Variants in RIDA observed in about 807,000 individuals in gnomAD.
The protein encoded by RIDA is 2-iminobutanoate/2-iminopropanoate deaminase.
A neutral mutation model predicts 17.8 loss-of-function variants in RIDA; 17 were observed. The ratio of observed to expected loss-of-function variants is 0.96; its 90% CI spans 0.65 to 1.43. RIDA has a LOEUF of 1.43. Ranked by LOEUF, RIDA falls within the 40% of genes most tolerant of loss-of-function variation. The pLI is 0.00. For missense variants in RIDA, 158 were observed against 161.7 expected (o/e 0.98, Z 0.12); for synonymous variants, 48 against 55.7 (o/e 0.86, Z 0.62).
In RIDA at chr8:98,104,550, T is replaced by C. The variant is rs1267063045; in HGVS notation, c.296-6A>G. 1 of 1,538,000 alleles carries C rather than the reference T, an allele frequency of 6.5e-7. No homozygotes were observed. Among genetic ancestry groups the C allele is most frequent in the East Asian group, 2.2e-5 (1 of 44,518 alleles). ...AGGAAAATTACTCTTGAAATCTGAATTTAAAAGAATTTCATTTTTTTAATA... is the reference window on the plus strand; with the variant it reads ...AGGAAAATTACTCTTGAAATCTGAACTTAAAAGAATTTCATTTTTTTAATA... On this transcript the variant is annotated splice_region_variant and splice_polypyrimidine_tract_variant and intron_variant, in intron 4 of 5. Coordinates refer to ENST00000254878, the MANE Select transcript of RIDA (RefSeq NM_005836.3).
chr8:98,111,444 C>A (rs1563764585), intron 1 of RIDA, among the ~76,000 whole-genome samples: 3 of 151,892 alleles, frequency 2.0e-5, no homozygotes, highest in Admixed American at 1.3e-4. Flanking sequence ...CCTGTCTCTA[C>A]TAAAAAACAC....
chr8:98,110,036 T>C (rs1202341700), intron 1 of RIDA, among the ~76,000 whole-genome samples: 3 of 152,202 alleles, frequency 2.0e-5, no homozygotes, highest in Admixed American at 6.5e-5. Flanking sequence ...CACCCACTGA[T>C]AGATCCAACA....
In RIDA at chr8:98,108,629, T is replaced by C. The variant is rs753864098; in HGVS notation, c.171+17A>G. The C allele has an allele frequency of 2.0e-6, 3 of 1,511,868 alleles. No individual in the cohort carries two copies. The highest frequency in any genetic ancestry group is 2.8e-6 in the Non-Finnish European group (3 of 1,086,820). The allele number at this position is 1,511,868 out of a possible 1,614,324, so 93.7% of individuals were successfully genotyped here. Reference sequence around the variant, plus strand: ...AGGTAGTAGAAAAGGGAACCTTAAATGTGGAAAATAACTTACTTGTTTAGC... The same window carrying C: ...AGGTAGTAGAAAAGGGAACCTTAAACGTGGAAAATAACTTACTTGTTTAGC... On this transcript the variant is annotated intron_variant, in intron 2 of 5. Transcript: ENST00000254878.
intron 2 of RIDA, 74 bp from the exon 3 acceptor site, chr8:98,106,400 CT>C (rs1486672560): frequency 8.0e-6 from 10 of 1,248,150 alleles, no homozygotes; most frequent in Non-Finnish European, 1.2e-5. Flanking sequence ...AATTAATCAT[CT>C]TTTACTAATA....
chr8:98,106,188 C>T (rs1586214553), intron 3 of RIDA, 84 bp downstream of exon 3: 21 of 1,277,630 alleles, frequency 1.6e-5, no homozygotes, highest in South Asian at 8.5e-5. Context: ...AGATATGGCA[C>T]GGCATCTTAC....
At chr8:98,111,325 T>C (rs1392638663) in intron 1 of RIDA, among the ~76,000 whole-genome samples, 1 of 152,200 alleles carries the variant, frequency 6.6e-6, no homozygotes, top group Non-Finnish European at 1.5e-5. Context: ...AAGTGAAATG[T>C]GGCAGGGCAT....
At chr8:98,116,025 C>T (rs1358004758) in intron 1 of RIDA, among the ~76,000 whole-genome samples, 3 of 152,186 alleles carry the variant, frequency 2.0e-5, no homozygotes, top group African/African-American at 4.8e-5. Context: ...CTTCTACCTC[C>T]ATGCCCTCAC....
intron 5 of RIDA, among the ~76,000 whole-genome samples, chr8:98,103,737 T>C (rs1001257510): frequency 6.6e-6 from 1 of 151,836 alleles, no homozygotes; most frequent in Non-Finnish European, 1.5e-5. Flanking sequence ...CCTGGGTTCA[T>C]GCCATTCTCC....
intron 5 of RIDA, 31 bp downstream of exon 5, chr8:98,104,458 T>A: frequency 2.2e-6 from 3 of 1,336,650 alleles, no homozygotes; most frequent in Non-Finnish European, 3.2e-6. Flanking sequence ...AACTGAAAAC[T>A]GTGTACATTA....
intron 1 of RIDA, among the ~76,000 whole-genome samples, chr8:98,108,998 G>A (rs1036331319): frequency 6.6e-6 from 1 of 152,102 alleles, no homozygotes; most frequent in Non-Finnish European, 1.5e-5. Flanking sequence ...CCAGGAGTTT[G>A]AGATCAGCCT....
chr8:98,116,976 C>G, intron 1 of RIDA, 56 bp downstream of exon 1: 1 of 1,468,574 alleles, frequency 6.8e-7, no homozygotes, highest in South Asian at 1.2e-5. Context: ...GCCCCAACCC[C>G]GAATCCCCGA....
At chr8:98,105,182 G>T (rs923171812) in intron 4 of RIDA, among the ~76,000 whole-genome samples, 21 of 144,176 alleles carry the variant, frequency 1.5e-4, no homozygotes, top group Admixed American at 6.3e-4. Context: ...TGTTTGATGT[G>T]AATGGAGTTT....
intron 2 of RIDA, among the ~76,000 whole-genome samples, chr8:98,108,009 A>T (rs1563763691): frequency 6.6e-6 from 1 of 152,100 alleles, no homozygotes; most frequent in East Asian, 1.9e-4. Context: ...ACCTCAGGTG[A>T]TCTGCCCGCC....
At chr8:98,115,371 G>C (rs969210121) in intron 1 of RIDA, among the ~76,000 whole-genome samples, 5 of 116,066 alleles carry the variant, frequency 4.3e-5, no homozygotes, top group Non-Finnish European at 6.5e-5. Context: ...CTGGGCAACA[G>C]AGTGAGACTC....
intron 1 of RIDA, 122 bp downstream of exon 1, chr8:98,116,910 G>T (rs1258024274): frequency 3.1e-5 from 24 of 786,132 alleles, no homozygotes; most frequent in Non-Finnish European, 4.4e-5. Flanking sequence ...CGGGCGCGTT[G>T]CTTACTTTCC....
At position 98,102,813 on chromosome 8, in the gene RIDA, A is replaced by C; in HGVS notation, c.*29T>G. On this transcript the variant is annotated 3_prime_UTR_variant, in exon 6 of 6. Coordinates refer to ENST00000254878, the MANE Select transcript of RIDA (RefSeq NM_005836.3). ...CAATTGTAAAAATTAAAATGTTAAC[A>C]ATTCCAGACTACACAGCACTGGGCC... is the stretch of plus-strand genomic sequence containing the variant. 6.8e-7 allele frequency: 1 copy of C among 1,465,090 alleles called. No individual in the cohort carries two copies. The highest frequency in any genetic ancestry group is 2.3e-5 in the East Asian group (1 of 43,692). 90.8% of individuals were successfully genotyped at this position (1,465,090 alleles called of 1,614,324 possible). A position where few individuals can be genotyped will look rare whatever the true frequency, so the allele number is the denominator to read the frequency against.
chr8:98,112,848 T>A (rs1815746896), intron 1 of RIDA, among the ~76,000 whole-genome samples: 1 of 152,166 alleles, frequency 6.6e-6, no homozygotes, highest in Non-Finnish European at 1.5e-5. Context: ...AGAAACTTCA[T>A]GATAGTAAAA....
At chr8:98,113,167 G>A (rs1815752557) in intron 1 of RIDA, among the ~76,000 whole-genome samples, 1 of 152,192 alleles carries the variant, frequency 6.6e-6, no homozygotes, top group African/African-American at 2.4e-5. Flanking sequence ...AGGACGGTGT[G>A]CAAAATGCGC....
Position 98,108,686 on chromosome 8 carries a change from C to T in RIDA, c.131G>A (p.Gly44Glu). 6 of 1,613,746 alleles carry T rather than the reference C, an allele frequency of 3.7e-6. No individual in the cohort carries two copies. Among genetic ancestry groups the T allele is most frequent in the Non-Finnish European group, 5.1e-6 (6 of 1,179,686 alleles). ...SGQIGMDPSS[G>E]QLVSGGVAEE... ...TGCTACCCCTCCTGACACAAGCTGT[C>T]CACTTGAAGGGTCCATGCCTATCTG... Residue 44 changes from glycine (G) to glutamate (E), a missense_variant, in exon 2 of 6, where the codon GGA becomes GAA. Physicochemically the swap from Gly to Glu is moderately conservative, Grantham distance 98 (BLOSUM62 -2). Coordinates refer to ENST00000254878, the MANE Select transcript of RIDA (RefSeq NM_005836.3).
Sources: allele counts gnomAD v4.1 joint callset (sites outside exome capture counted in the v4.1 genomes callset), GRCh38; gene constraint gnomAD v4.1.1; transcripts MANE v1.5; gene names NCBI Gene and HGNC (gene_info 2026-07-23, HGNC 2026-07-21).